The following ABCA12 variants were observed in gnomAD, a reference collection of about 807,000 sequenced individuals.
The protein encoded by ABCA12 is ATP binding cassette subfamily A member 12, also known as glucosylceramide transporter ABCA12.
A neutral mutation model predicts 293.5 loss-of-function variants in ABCA12; 156 were observed. The observed-to-expected ratio is 0.53, with a 90% CI of 0.47 to 0.61. The LOEUF (loss-of-function observed/expected upper bound fraction) is 0.61, where lower values mean the gene tolerates loss of function less well. Among genes scored for constraint, ABCA12 ranks in the 20% least tolerant of loss-of-function variants. ABCA12 has a pLI of 0.00. For missense variants in ABCA12, 2,797 were observed against 3,090.2 expected, an observed-to-expected ratio of 0.91 and a Z score of 2.25; for synonymous variants, 1,063 against 1,108.0, an observed-to-expected ratio of 0.96 and a Z score of 0.81.
At chr2:215,093,669 T>C (rs902133227) in intron 2 of ABCA12, among the ~76,000 whole-genome samples, 2 of 152,356 alleles carry the variant, frequency 1.3e-5, no homozygotes, top group Non-Finnish European at 2.9e-5. Flanking sequence ...TATGCTCAAC[T>C]CACTTTCTAT....
chr2:214,956,650 A>C lies in ABCA12; in HGVS notation c.6233+13T>G. On this transcript the variant is annotated intron_variant, in intron 42 of 52. Transcript: ENST00000272895. ...CTATTAATTCTTCTTTCATTGCTTA[A>C]TCAGCAGCTTACCCAAACAGGAGAA... The C allele has an allele frequency of 5.1e-6, 8 of 1,577,748 alleles. No homozygotes were observed. Among genetic ancestry groups the C allele is most frequent in the Non-Finnish European group, 3.5e-6 (4 of 1,147,202 alleles).
intron 2 of ABCA12, chr2:215,075,669 A>G (rs911384644): frequency 4.8e-6 from 3 of 630,636 alleles, no homozygotes; most frequent in Non-Finnish European, 5.6e-6. Context: ...AATGAAGATT[A>G]TGTTTGGAAA....
At chr2:215,080,638 G>A (rs1349164920) in intron 2 of ABCA12, 1 of 152,726 alleles carries the variant, frequency 6.5e-6, no homozygotes, top group Admixed American at 6.5e-5. Context: ...ACCCTAGGCT[G>A]TTTAAGAGAG....
chr2:215,027,649 G>A (rs1192529023), intron 9 of ABCA12, among the ~76,000 whole-genome samples: 2 of 152,124 alleles, frequency 1.3e-5, no homozygotes, highest in East Asian at 1.9e-4. Flanking sequence ...TACATCCCAC[G>A]AGTCCTGCAA....
chr2:214,994,177 TA>T (rs1211343875), intron 23 of ABCA12, among the ~76,000 whole-genome samples: 1 of 152,042 alleles, frequency 6.6e-6, no homozygotes, highest in African/African-American at 2.4e-5. Context: ...AACTTTGTTG[TA>T]ATAAACAAGA....
At chr2:215,017,779 T>C in intron 14 of ABCA12, 2 of 527,788 alleles carry the variant, frequency 3.8e-6, no homozygotes, top group South Asian at 2.1e-5. Context: ...AAATGGGGCA[T>C]GGGAAAGGAC....
intron 7 of ABCA12, among the ~76,000 whole-genome samples, chr2:215,044,809 C>T (rs575731132): frequency 5.9e-5 from 9 of 152,246 alleles, no homozygotes; most frequent in Admixed American, 2.6e-4. Context: ...TTTATCAATA[C>T]AAGGGCTTAT....
At chr2:214,951,229 G>C in intron 44 of ABCA12, 146 bp from the exon 45 acceptor site, 1 of 772,692 alleles carries the variant, frequency 1.3e-6, no homozygotes, top group Non-Finnish European at 2.2e-6. Context: ...ATGCTACTCA[G>C]ATAACTTAAA....
rs1699689073 is a variant in ABCA12 at position 214,982,389 on chromosome 2, A to G, written c.4383-6T>C. 2 of 1,610,746 alleles carry G rather than the reference A, an allele frequency of 1.2e-6. No homozygotes were observed. The highest frequency in any genetic ancestry group is 1.7e-5 in the Admixed American group (1 of 59,978). On this transcript the variant is annotated splice_polypyrimidine_tract_variant and splice_region_variant and intron_variant, in intron 29 of 52. Coordinates refer to ENST00000272895, the MANE Select transcript of ABCA12 (RefSeq NM_173076.3). ...GTCCAGTATCTTTTAAAGTCCTTCA[A>G]AAATAATGTATGATGGTTATTTTTT...
At chr2:215,036,676 A>AT (rs945164583) in intron 8 of ABCA12, among the ~76,000 whole-genome samples, 57 of 150,684 alleles carry the variant, frequency 3.8e-4, no homozygotes, top group African/African-American at 1.0e-3. Context: ...ATAGTCCCTG[A>AT]TTTTTTTTTT....
chr2:215,090,263 C>T (rs1370427301), intron 2 of ABCA12, among the ~76,000 whole-genome samples: 7 of 152,132 alleles, frequency 4.6e-5, no homozygotes, highest in Non-Finnish European at 1.0e-4. Context: ...TTATTGCTCA[C>T]ACAAAGCCTG....
In ABCA12 at chr2:215,004,308, T is replaced by A. The variant is rs761874738; in HGVS notation, c.2593-9A>T. Reference sequence around the variant, plus strand: ...GGGTTCCTTAGAGTATTCTAACAAATAATAATTAAAAATCAGTTTCAATAC... The same window carrying A: ...GGGTTCCTTAGAGTATTCTAACAAAAAATAATTAAAAATCAGTTTCAATAC... On this transcript the variant is annotated splice_polypyrimidine_tract_variant and intron_variant, in intron 19 of 52. Coordinates refer to ENST00000272895, the MANE Select transcript of ABCA12 (RefSeq NM_173076.3). 1.9e-6 allele frequency: 3 copies of A among 1,599,310 alleles called. No individual in the cohort carries two copies. The highest frequency in any genetic ancestry group is 1.7e-6 in the Non-Finnish European group (2 of 1,168,526).
chr2:214,969,328 T>C (rs1699335420), intron 37 of ABCA12, among the ~76,000 whole-genome samples: 1 of 152,034 alleles, frequency 6.6e-6, no homozygotes, highest in Non-Finnish European at 1.5e-5. Context: ...TGTCAATTCA[T>C]GGTATAAAAA....
chr2:215,000,594 A>G, intron 22 of ABCA12, 111 bp downstream of exon 22: 1 of 1,296,302 alleles, frequency 7.7e-7, no homozygotes, highest in Non-Finnish European at 1.1e-6. Flanking sequence ...GCATATTACA[A>G]AAGTTTGGTG....
chr2:214,983,234 C>T (rs185490775), intron 29 of ABCA12, among the ~76,000 whole-genome samples: 2 of 152,106 alleles, frequency 1.3e-5, no homozygotes, highest in Non-Finnish European at 2.9e-5. Flanking sequence ...TTATACTGAG[C>T]ATGGAAGGAA....
At chr2:214,968,969 C>A (rs573001618) in intron 37 of ABCA12, among the ~76,000 whole-genome samples, 162 bp from the exon 38 acceptor site, 10 of 151,976 alleles carry the variant, frequency 6.6e-5, no homozygotes, top group Non-Finnish European at 1.3e-4. Context: ...TCTATCAATT[C>A]TTTTTATCAT....
chr2:215,041,266 A>C (rs1701094546), intron 7 of ABCA12, among the ~76,000 whole-genome samples: 1 of 152,204 alleles, frequency 6.6e-6, no homozygotes, highest in Non-Finnish European at 1.5e-5. Flanking sequence ...AAAAGAATAC[A>C]AAATAGGCCA....
chr2:215,039,213 T>G (rs1271299196), intron 7 of ABCA12, among the ~76,000 whole-genome samples: 6 of 152,188 alleles, frequency 3.9e-5, no homozygotes, highest in Admixed American at 2.0e-4. Context: ...GTGGTTGGTT[T>G]ATATACAACA....
chr2:215,049,510 GA>G, intron 6 of ABCA12, 115 bp downstream of exon 6: 1 of 1,022,452 alleles, frequency 9.8e-7, no homozygotes, highest in Non-Finnish European at 1.5e-6. Flanking sequence ...TCTATGTGAG[GA>G]AAACATGCCT....
Sources: allele counts gnomAD v4.1 joint callset (sites outside exome capture counted in the v4.1 genomes callset), GRCh38; gene constraint gnomAD v4.1.1; transcripts MANE v1.5; gene names NCBI Gene and HGNC (gene_info 2026-07-23, HGNC 2026-07-21).